SHISA9: variants seen among roughly 807,000 people sequenced by gnomAD.
The protein encoded by SHISA9 is shisa family member 9.
In SHISA9, 13 loss-of-function variants were observed where a neutral mutation model predicts 38.0. The ratio of observed to expected loss-of-function variants is 0.34; its 90% CI spans 0.22 to 0.54. SHISA9 has a LOEUF of 0.54. Among genes scored for constraint, SHISA9 ranks in the 20% least tolerant of loss-of-function variants. The pLI, the probability that SHISA9 is intolerant of heterozygous loss-of-function variation, is 0.91. For synonymous variants in SHISA9, 275 were observed against 242.0 expected (o/e 1.14, Z -1.27); for missense variants, 538 against 575.8 (o/e 0.93, Z 0.67).
the SHISA9 span, among the ~76,000 whole-genome samples, chr16:13,550,117 G>A: frequency 0.36 from 54,711 of 151,790 alleles, 10,560 homozygotes; most frequent in East Asian, 0.61. Flanking sequence ...CAGGAAAAGG[G>A]AACTACAGCA....
intron 2 of SHISA9, among the ~76,000 whole-genome samples, chr16:13,103,792 C>T (rs2073901207): frequency 6.6e-6 from 1 of 152,172 alleles, no homozygotes; most frequent in African/African-American, 2.4e-5. Flanking sequence ...TCATTGTCAA[C>T]GTTTGTATCT....
At chr16:13,001,465 G>T (rs1322669851) in intron 2 of SHISA9, among the ~76,000 whole-genome samples, 1 of 152,140 alleles carries the variant, frequency 6.6e-6, no homozygotes, top group Non-Finnish European at 1.5e-5. Flanking sequence ...TTTGGTTCTG[G>T]ATGTTGGCTT....
At chr16:13,122,366 C>A (rs1042401152) in intron 2 of SHISA9, among the ~76,000 whole-genome samples, 1 of 152,150 alleles carries the variant, frequency 6.6e-6, no homozygotes, top group Admixed American at 6.6e-5. Flanking sequence ...AAGCAGTTAT[C>A]TTCAGAGGGA....
intron 2 of SHISA9, among the ~76,000 whole-genome samples, chr16:13,128,665 A>G (rs2050281482): frequency 6.6e-6 from 1 of 152,070 alleles, no homozygotes; most frequent in Non-Finnish European, 1.5e-5. Context: ...ACCAAACCTT[A>G]GGTTTGATTC....
chr16:13,342,163 C>A, the SHISA9 span, among the ~76,000 whole-genome samples: 1 of 152,210 alleles, frequency 6.6e-6, no homozygotes, highest in Non-Finnish European at 1.5e-5. Flanking sequence ...CCCTTCCACA[C>A]TACTCATTTT....
chr16:13,284,703 T>C, the SHISA9 span, among the ~76,000 whole-genome samples: 1 of 152,178 alleles, frequency 6.6e-6, no homozygotes, highest in Non-Finnish European at 1.5e-5. Context: ...GTTCAAGCTG[T>C]TCTTGTGCCT....
intron 2 of SHISA9, among the ~76,000 whole-genome samples, chr16:12,960,320 G>A (rs113816873): frequency 3.3e-5 from 5 of 152,108 alleles, no homozygotes; most frequent in African/African-American, 1.2e-4. Flanking sequence ...CAGGGTACAT[G>A]TGCAGGATGT....
intron 3 of SHISA9, among the ~76,000 whole-genome samples, chr16:13,211,549 C>T (rs1032619753): frequency 1.3e-5 from 2 of 152,122 alleles, no homozygotes; most frequent in African/African-American, 4.8e-5. Context: ...CCTTTTAATA[C>T]CTTAGGTCTA....
At chr16:13,321,689 T>C in the SHISA9 span, among the ~76,000 whole-genome samples, 1 of 152,242 alleles carries the variant, frequency 6.6e-6, no homozygotes, top group African/African-American at 2.4e-5. Context: ...CAGGTGTGCC[T>C]GTCTGATAAT....
At chr16:13,330,354 C>T in the SHISA9 span, among the ~76,000 whole-genome samples, 4 of 152,156 alleles carry the variant, frequency 2.6e-5, no homozygotes, top group African/African-American at 9.7e-5. Flanking sequence ...GTATATTTAG[C>T]TATCTTGTTA....
At chr16:13,322,915 ACT>A in the SHISA9 span, among the ~76,000 whole-genome samples, 1 of 152,160 alleles carries the variant, frequency 6.6e-6, no homozygotes, top group Non-Finnish European at 1.5e-5. Context: ...TACCAGTCAT[ACT>A]GTGTCTGGAT....
the SHISA9 span, among the ~76,000 whole-genome samples, chr16:13,487,888 G>A: frequency 6.6e-6 from 1 of 152,138 alleles, no homozygotes; most frequent in Non-Finnish European, 1.5e-5. Context: ...AGTTTGGGTT[G>A]GGCCAATGCA....
At chr16:13,449,901 G>C in the SHISA9 span, among the ~76,000 whole-genome samples, 1 of 152,118 alleles carries the variant, frequency 6.6e-6, no homozygotes, top group Admixed American at 6.5e-5. Flanking sequence ...TGGATCACAA[G>C]GTCAGGAGAT....
At chr16:13,142,177 G>A (rs754518623) in intron 2 of SHISA9, among the ~76,000 whole-genome samples, 3 of 152,184 alleles carry the variant, frequency 2.0e-5, no homozygotes, top group Non-Finnish European at 4.4e-5. Context: ...TCTTGTCTAC[G>A]TGTGGACTGG....
chr16:13,084,569 G>T (rs553266346), intron 2 of SHISA9, among the ~76,000 whole-genome samples: 2 of 152,152 alleles, frequency 1.3e-5, no homozygotes, highest in Non-Finnish European at 2.9e-5. Context: ...CTCCAGACAG[G>T]TTCCTCTTTC....
chr16:13,116,486 G>A (rs2074031890), intron 2 of SHISA9, among the ~76,000 whole-genome samples: 2 of 152,320 alleles, frequency 1.3e-5, no homozygotes, highest in East Asian at 1.9e-4. Context: ...TTGAGAAGGT[G>A]CAGCAGGGAT....
chr16:13,044,860 T>A (rs1217441282), intron 2 of SHISA9, among the ~76,000 whole-genome samples: 2 of 152,226 alleles, frequency 1.3e-5, no homozygotes, highest in Non-Finnish European at 2.9e-5. Flanking sequence ...TTTGCATGTT[T>A]AAAATCTCCC....
chr16:13,318,926 G>A, the SHISA9 span, among the ~76,000 whole-genome samples: 4 of 152,232 alleles, frequency 2.6e-5, no homozygotes, highest in Non-Finnish European at 5.9e-5. Flanking sequence ...TCTCCACCAT[G>A]TGGGTCCAAG....
chr16:13,444,829 C>T, the SHISA9 span, among the ~76,000 whole-genome samples: 16 of 151,232 alleles, frequency 1.1e-4, no homozygotes, highest in African/African-American at 3.9e-4. Flanking sequence ...CCCTTCCCTT[C>T]CCTCCTCTTT....
Sources: allele counts gnomAD v4.1 joint callset (sites outside exome capture counted in the v4.1 genomes callset), GRCh38; gene constraint gnomAD v4.1.1; transcripts MANE v1.5; gene names NCBI Gene and HGNC (gene_info 2026-07-23, HGNC 2026-07-21).